Variants in RHOBTB1 observed in about 807,000 individuals in gnomAD.
RHOBTB1 encodes the protein Rho related BTB domain containing 1.
RHOBTB1 carries 40 observed loss-of-function variants against 71.6 expected under a neutral mutation model. That is an observed-to-expected ratio of 0.56 (90% CI 0.43 to 0.73). RHOBTB1 has a LOEUF of 0.73. Among genes scored for constraint, RHOBTB1 ranks in the 30% least tolerant of loss-of-function variants. RHOBTB1 has a pLI of 0.00. For synonymous variants in RHOBTB1, 319 were observed against 334.9 expected (o/e 0.95, Z 0.52); for missense variants, 797 against 894.0 (o/e 0.89, Z 1.38).
At chr10:60,930,147 A>G (rs1179488306) in intron 2 of RHOBTB1, among the ~76,000 whole-genome samples, 1 of 152,216 alleles carries the variant, frequency 6.6e-6, no homozygotes, top group Non-Finnish European at 1.5e-5. Flanking sequence ...GAAATGTTTT[A>G]AAAGCAAATA....
chr10:60,927,080 A>G (rs2083928425), intron 2 of RHOBTB1, among the ~76,000 whole-genome samples: 1 of 152,230 alleles, frequency 6.6e-6, no homozygotes, highest in Non-Finnish European at 1.5e-5. Flanking sequence ...CCAACAATGA[A>G]CAATATGAAA....
intron 9 of RHOBTB1, 150 bp from the exon 10 acceptor site, chr10:60,872,440 T>G (rs977477828): frequency 4.6e-6 from 3 of 646,910 alleles, no homozygotes; most frequent in Non-Finnish European, 8.3e-6. Flanking sequence ...TGTTTTGACT[T>G]TGGCCATGGC....
intron 2 of RHOBTB1, among the ~76,000 whole-genome samples, chr10:60,933,802 T>A (rs1487966036): frequency 6.6e-6 from 1 of 152,082 alleles, no homozygotes; most frequent in Non-Finnish European, 1.5e-5. Context: ...AAAACTAATA[T>A]ATGTCCATCA....
intron 1 of RHOBTB1, among the ~76,000 whole-genome samples, chr10:61,001,092 G>A (rs1035917587): frequency 5.9e-5 from 9 of 152,060 alleles, no homozygotes; most frequent in Non-Finnish European, 1.0e-4. Flanking sequence ...GTGTGTGTGT[G>A]TGTGTGCTGG....
chr10:60,863,523 TG>T, the RHOBTB1 span, among the ~76,000 whole-genome samples: 1 of 151,484 alleles, frequency 6.6e-6, no homozygotes, highest in Admixed American at 6.6e-5. Flanking sequence ...AGCTCCTCCG[TG>T]GGGTCTTCAC....
chr10:60,995,381 G>A (rs984160763), intron 1 of RHOBTB1, among the ~76,000 whole-genome samples: 10 of 152,126 alleles, frequency 6.6e-5, no homozygotes, highest in African/African-American at 2.4e-4. Context: ...TGGAACCTAA[G>A]CAGTCTGGCT....
intron 2 of RHOBTB1, among the ~76,000 whole-genome samples, chr10:60,932,316 G>A (rs2133989719): frequency 6.6e-6 from 1 of 152,088 alleles, no homozygotes; most frequent in East Asian, 1.9e-4. Context: ...ACTTACCCTG[G>A]ACATAAAATG....
intron 1 of RHOBTB1, among the ~76,000 whole-genome samples, chr10:60,991,260 C>G (rs898379587): frequency 6.6e-6 from 1 of 151,820 alleles, no homozygotes; most frequent in Admixed American, 6.6e-5. Flanking sequence ...ACACCCCCAC[C>G]AAAAAAACGA....
At chr10:60,864,190 A>C in the RHOBTB1 span, among the ~76,000 whole-genome samples, 2 of 152,030 alleles carry the variant, frequency 1.3e-5, no homozygotes, top group Admixed American at 6.5e-5. Flanking sequence ...TAAGTGAACC[A>C]CTTGCTTGGG....
chr10:60,946,180 A>G (rs1589396811), upstream of RHOBTB1, among the ~76,000 whole-genome samples: 1 of 40,080 alleles, frequency 2.5e-5, no homozygotes, highest in Non-Finnish European at 5.8e-5. Context: ...TCCTTCTCAG[A>G]AAAAAAAAAA....
At chr10:60,914,188 T>G (rs1375344055) in intron 2 of RHOBTB1, among the ~76,000 whole-genome samples, 1 of 151,750 alleles carries the variant, frequency 6.6e-6, no homozygotes, top group East Asian at 1.9e-4. Flanking sequence ...ACAGAAAAAG[T>G]TTTGGGTGTG....
At chr10:60,970,199 A>T (rs562991070) in intron 2 of RHOBTB1, among the ~76,000 whole-genome samples, 35 of 152,232 alleles carry the variant, frequency 2.3e-4, no homozygotes, top group African/African-American at 7.9e-4. Flanking sequence ...TGCTATAATT[A>T]AAAAAATTGG....
intron 2 of RHOBTB1, among the ~76,000 whole-genome samples, chr10:60,912,075 C>T (rs1262823158): frequency 1.3e-5 from 2 of 152,042 alleles, no homozygotes; most frequent in Admixed American, 1.3e-4. Context: ...AGAGAATAAT[C>T]AAAAGTGCAG....
intron 9 of RHOBTB1, among the ~76,000 whole-genome samples, chr10:60,873,068 T>G (rs936700402): frequency 1.3e-5 from 2 of 151,946 alleles, no homozygotes; most frequent in Admixed American, 6.6e-5. Flanking sequence ...TGGCCCCATA[T>G]CTCCACTGTG....
At chr10:60,937,545 A>G (rs1032264599) in intron 2 of RHOBTB1, among the ~76,000 whole-genome samples, 1 of 152,210 alleles carries the variant, frequency 6.6e-6, no homozygotes, top group African/African-American at 2.4e-5. Context: ...GCTACTTAGG[A>G]ACAGTGTCTG....
At chr10:60,927,290 C>T (rs1589329802) in intron 2 of RHOBTB1, among the ~76,000 whole-genome samples, 2 of 152,332 alleles carry the variant, frequency 1.3e-5, no homozygotes, top group Middle Eastern at 3.4e-3. Flanking sequence ...ATGCAATCTA[C>T]AGATTCAACT....
In RHOBTB1 at chr10:60,967,455, G is replaced by C. The variant is rs1297483311; in HGVS notation, c.-62+18390C>G. Among the ~76,000 whole-genome samples the C allele has an allele frequency of 2.0e-5, 3 of 151,958 alleles. No homozygotes were observed. In the East Asian group the frequency reaches 5.8e-4, roughly 29 times the overall value. Reference sequence around the variant, plus strand: ...TTACAGGTGTGAGCCAGTGTGTCCAGTCTTTGTTTGCTTTTCAGGTTCAAG... The same window carrying C: ...TTACAGGTGTGAGCCAGTGTGTCCACTCTTTGTTTGCTTTTCAGGTTCAAG... On this transcript the variant is annotated intron_variant, in intron 2 of 11. Coordinates refer to the RHOBTB1 transcript ENST00000357917.
chr10:60,863,625 C>T, the RHOBTB1 span, among the ~76,000 whole-genome samples: 1 of 152,062 alleles, frequency 6.6e-6, no homozygotes, highest in Non-Finnish European at 1.5e-5. Flanking sequence ...CTCTGCCTCC[C>T]AGGTTCAAGT....
chr10:60,958,516 T>C (rs750698611), intron 2 of RHOBTB1, among the ~76,000 whole-genome samples: 10 of 152,170 alleles, frequency 6.6e-5, no homozygotes, highest in African/African-American at 2.4e-4. Context: ...CCAAAACATT[T>C]TTTTTCAGGA....
Sources: allele counts gnomAD v4.1 joint callset (sites outside exome capture counted in the v4.1 genomes callset), GRCh38; gene constraint gnomAD v4.1.1; transcripts MANE v1.5; gene names NCBI Gene and HGNC (gene_info 2026-07-23, HGNC 2026-07-21).